The following ROBO1 variants were observed in gnomAD, a reference collection of about 807,000 sequenced individuals.
ROBO1 encodes roundabout homolog 1.
Under a neutral mutation model 195.9 loss-of-function variants are expected in ROBO1, and 149 were observed. The ratio of observed to expected loss-of-function variants is 0.76; its 90% CI spans 0.67 to 0.87. The LOEUF is 0.87. Ranked by LOEUF, ROBO1 falls within the 40% of genes least tolerant of loss-of-function variation. The probability of loss-of-function intolerance (pLI) is 0.00; values close to 1 mark genes in which losing one functional copy is unlikely to be tolerated. For synonymous variants in ROBO1, 816 were observed against 733.2 expected, an observed-to-expected ratio of 1.11 and a Z score of -1.82; for missense variants, 1,933 against 2,068.3, an observed-to-expected ratio of 0.93 and a Z score of 1.27.
intron 4 of ROBO1, among the ~76,000 whole-genome samples, chr3:78,878,368 C>T (rs1405829725): frequency 3.3e-5 from 5 of 151,932 alleles, no homozygotes; most frequent in African/African-American, 1.2e-4. Flanking sequence ...GGTGGATCTC[C>T]TGAGGTCAGG....
In ROBO1 at chr3:78,668,131, T is replaced by C. The variant is rs1226326018; in HGVS notation, c.1799+3A>G. The C allele has an allele frequency of 1.9e-6, 3 of 1,613,050 alleles. No homozygotes were observed. Among genetic ancestry groups the C allele is most frequent in the South Asian group, 1.1e-5 (1 of 90,980 alleles). ...CAACTAGGAAGCATCTCCTTCACTCTACCTGAAGGCTTCTATAATATAAGA... is the reference window on the plus strand; with the variant it reads ...CAACTAGGAAGCATCTCCTTCACTCCACCTGAAGGCTTCTATAATATAAGA... On this transcript the variant is annotated splice_donor_region_variant and intron_variant, in intron 13 of 30. Coordinates refer to ENST00000464233, the MANE Select transcript of ROBO1 (RefSeq NM_002941.4).
At chr3:79,048,531 T>C (rs930177977) in intron 3 of ROBO1, among the ~76,000 whole-genome samples, 2 of 152,166 alleles carry the variant, frequency 1.3e-5, no homozygotes, top group East Asian at 1.9e-4. Flanking sequence ...TCCACGCAGC[T>C]GAGTGTGGTT....
At chr3:79,047,841 A>C (rs2078623717) in intron 3 of ROBO1, among the ~76,000 whole-genome samples, 1 of 152,150 alleles carries the variant, frequency 6.6e-6, no homozygotes, top group Non-Finnish European at 1.5e-5. Context: ...AGTATGAAGC[A>C]ACAGAGGCAG....
rs72894187 is a variant in ROBO1, at chr3:79,113,303, G to A, written c.172+12153C>T. Among the ~76,000 whole-genome samples the A allele has an allele frequency of 8.1e-3, 1,238 of 152,082 alleles. 14 individuals are homozygous for A. The highest frequency in any genetic ancestry group is 0.028 in the African/African-American group (1,171 of 41,498). On this transcript the variant is annotated intron_variant, in intron 3 of 30. Transcript: ENST00000464233. ...GCCCATGTGCCCAGAAATCCATCTT[G>A]CGACAGTCTGCCAGTTTTCGATTAC...
intron 2 of ROBO1, among the ~76,000 whole-genome samples, chr3:79,503,127 C>G (rs1370101736): frequency 2.0e-5 from 3 of 152,172 alleles, no homozygotes; most frequent in African/African-American, 7.2e-5. Flanking sequence ...TGGGTCTACA[C>G]TGCCATTATG....
chr3:78,731,760 T>G (rs1368102759), intron 5 of ROBO1, among the ~76,000 whole-genome samples: 1 of 152,154 alleles, frequency 6.6e-6, no homozygotes, highest in Non-Finnish European at 1.5e-5. Flanking sequence ...CTCTGGTGTT[T>G]CTATAGAAAT....
intron 2 of ROBO1, among the ~76,000 whole-genome samples, chr3:79,534,840 T>G (rs1453443777): frequency 2.6e-5 from 4 of 152,266 alleles, no homozygotes; most frequent in African/African-American, 9.6e-5. Context: ...TGACCTCCCC[T>G]TGAACCTCTA....
At chr3:79,042,707 T>C (rs1346915953) in intron 3 of ROBO1, among the ~76,000 whole-genome samples, 8 of 152,176 alleles carry the variant, frequency 5.3e-5, no homozygotes, top group Admixed American at 5.2e-4. Flanking sequence ...ATAGACTCTT[T>C]AGGTAAATAT....
chr3:79,231,682 T>G (rs891581326), intron 2 of ROBO1, among the ~76,000 whole-genome samples: 3 of 152,126 alleles, frequency 2.0e-5, no homozygotes, highest in African/African-American at 7.2e-5. Context: ...AAGACAGAAA[T>G]GCCATTTGAC....
At chr3:79,680,594 G>A (rs1418742584) in intron 1 of ROBO1, among the ~76,000 whole-genome samples, 8 of 152,006 alleles carry the variant, frequency 5.3e-5, no homozygotes, top group African/African-American at 1.7e-4. Flanking sequence ...AATTAAATGG[G>A]AGCCAATTAG....
At chr3:79,011,705 T>C (rs1006543190) in intron 3 of ROBO1, among the ~76,000 whole-genome samples, 6 of 149,830 alleles carry the variant, frequency 4.0e-5, no homozygotes, top group African/African-American at 1.5e-4. Flanking sequence ...TAATATATTA[T>C]ATATATGTTT....
At chr3:78,818,337 TC>T (rs1031422963) in intron 4 of ROBO1, among the ~76,000 whole-genome samples, 2 of 152,090 alleles carry the variant, frequency 1.3e-5, no homozygotes, top group African/African-American at 4.8e-5. Context: ...TGACCCAGGT[TC>T]CTAAAGTCCC....
intron 1 of ROBO1, among the ~76,000 whole-genome samples, chr3:79,670,808 G>A (rs1946610699): frequency 6.6e-6 from 1 of 151,820 alleles, no homozygotes. Flanking sequence ...CTCTGCTAAT[G>A]TTAGAAAGTC....
In ROBO1 at chr3:78,717,755, A is replaced by G. The variant is rs753149539; in HGVS notation, c.778+8T>C. On this transcript the variant is annotated splice_region_variant and intron_variant, in intron 6 of 30. Coordinates refer to ENST00000464233, the MANE Select transcript of ROBO1 (RefSeq NM_002941.4). ...TTCAATGAGAAGATTAAATAAAATTACACTTACCTAAGACAGTCAGCTCGG... is the reference window on the plus strand; with the variant it reads ...TTCAATGAGAAGATTAAATAAAATTGCACTTACCTAAGACAGTCAGCTCGG... The G allele has an allele frequency of 3.1e-6, 5 of 1,611,476 alleles. No individual in the cohort carries two copies. The African/African-American group carries it at 6.7e-5, about 22-fold the overall frequency.
intron 3 of ROBO1, among the ~76,000 whole-genome samples, chr3:78,969,860 C>T (rs2107902683): frequency 6.6e-6 from 1 of 152,224 alleles, no homozygotes; most frequent in South Asian, 2.1e-4. Context: ...TTTTTGCAGA[C>T]AGTTAAATTA....
At chr3:79,424,721 T>C (rs1212349571) in intron 2 of ROBO1, among the ~76,000 whole-genome samples, 1 of 152,142 alleles carries the variant, frequency 6.6e-6, no homozygotes, top group Non-Finnish European at 1.5e-5. Flanking sequence ...CAATGTATTA[T>C]AGAATGTAAC....
intron 21 of ROBO1, among the ~76,000 whole-genome samples, chr3:78,641,007 A>G (rs1705911277): frequency 6.6e-6 from 1 of 152,284 alleles, no homozygotes; most frequent in Non-Finnish European, 1.5e-5. Context: ...AACAAAGGCT[A>G]TGGACTTGTG....
chr3:79,553,819 G>C (rs1479401790), intron 2 of ROBO1, among the ~76,000 whole-genome samples: 1 of 152,064 alleles, frequency 6.6e-6, no homozygotes, highest in East Asian at 1.9e-4. Flanking sequence ...GATCTGTCTG[G>C]ATCCAGCACA....
At chr3:78,774,021 G>A (rs2083443086) in intron 4 of ROBO1, among the ~76,000 whole-genome samples, 1 of 152,062 alleles carries the variant, frequency 6.6e-6, no homozygotes, top group Non-Finnish European at 1.5e-5. Flanking sequence ...AACAATCTTG[G>A]GAGATGCACT....
Sources: allele counts gnomAD v4.1 joint callset (sites outside exome capture counted in the v4.1 genomes callset), GRCh38; gene constraint gnomAD v4.1.1; transcripts MANE v1.5; gene names NCBI Gene and HGNC (gene_info 2026-07-23, HGNC 2026-07-21).